HDAC9: variants seen among roughly 807,000 people sequenced by gnomAD.
HDAC9 encodes the protein histone deacetylase 9, also known as MEF-2 interacting transcription repressor (MITR) protein.
HDAC9 carries 41 observed loss-of-function variants against 139.4 expected under a neutral mutation model. The observed-to-expected ratio is 0.29, with a 90% confidence interval of 0.23 to 0.38. The LOEUF is 0.38. Among genes scored for constraint, HDAC9 ranks in the 10% least tolerant of loss-of-function variants. HDAC9 has a pLI of 1.00. For synonymous variants in HDAC9, 517 were observed against 476.2 expected (o/e 1.09, Z -1.12); for missense variants, 1,147 against 1,297.0 (o/e 0.88, Z 1.78).
chr7:18,345,983 G>T (rs952780059), intron 1 of HDAC9, among the ~76,000 whole-genome samples: 3 of 152,010 alleles, frequency 2.0e-5, no homozygotes, highest in Non-Finnish European at 4.4e-5. Flanking sequence ...TTAAAGGTAG[G>T]TATTTTAAGT....
intron 3 of HDAC9, among the ~76,000 whole-genome samples, chr7:18,589,861 A>G (rs952356292): frequency 2.6e-5 from 4 of 152,126 alleles, no homozygotes; most frequent in African/African-American, 9.7e-5. Context: ...ACTTCAGGTA[A>G]ACTTCCCCCA....
chr7:18,730,008 A>G (rs926247909), intron 13 of HDAC9, among the ~76,000 whole-genome samples: 2 of 152,228 alleles, frequency 1.3e-5, no homozygotes, highest in African/African-American at 4.8e-5. Flanking sequence ...AAGTTACAAT[A>G]ACTAAGAGGA....
chr7:18,732,878 C>CGTGTATAT (rs370714179), intron 13 of HDAC9, among the ~76,000 whole-genome samples: 3 of 68,350 alleles, frequency 4.4e-5, no homozygotes, highest in Admixed American at 1.3e-4. Flanking sequence ...TACACACACA[C>CGTGTATAT]GTGTGCGTAT....
intron 3 of HDAC9, among the ~76,000 whole-genome samples, chr7:18,589,701 A>G (rs1224116763): frequency 2.0e-5 from 3 of 152,146 alleles, no homozygotes; most frequent in South Asian, 4.1e-4. Flanking sequence ...AAAAGCTTTT[A>G]TGTGCTGAAT....
At chr7:18,885,024 TA>T (rs1194110817) in intron 22 of HDAC9, among the ~76,000 whole-genome samples, 1 of 152,254 alleles carries the variant, frequency 6.6e-6, no homozygotes, top group Non-Finnish European at 1.5e-5. Flanking sequence ...AGTCATGCAG[TA>T]GATATGTAAA....
At chr7:18,501,359 A>T (rs991772001) in intron 2 of HDAC9, among the ~76,000 whole-genome samples, 1 of 152,060 alleles carries the variant, frequency 6.6e-6, no homozygotes, top group South Asian at 2.1e-4. Flanking sequence ...CTGAGCAGGG[A>T]CAGACTCCCT....
intron 2 of HDAC9, among the ~76,000 whole-genome samples, chr7:18,520,705 A>G (rs1441982297): frequency 2.0e-5 from 3 of 152,196 alleles, no homozygotes; most frequent in Non-Finnish European, 4.4e-5. Context: ...ACTACCGTAA[A>G]TGTCTTGGAA....
At chr7:18,917,857 G>C (rs1466857279) in intron 22 of HDAC9, among the ~76,000 whole-genome samples, 1 of 151,918 alleles carries the variant, frequency 6.6e-6, no homozygotes, top group East Asian at 1.9e-4. Flanking sequence ...ACATGCAATG[G>C]AAAGCCTATT....
intron 23 of HDAC9, among the ~76,000 whole-genome samples, chr7:18,946,582 A>T (rs915790928): frequency 6.6e-6 from 1 of 152,164 alleles, no homozygotes; most frequent in Non-Finnish European, 1.5e-5. Flanking sequence ...GAGGTGTTTC[A>T]TACTGATAAA....
At chr7:18,599,992 T>G (rs1833528694) in intron 6 of HDAC9, among the ~76,000 whole-genome samples, 1 of 152,128 alleles carries the variant, frequency 6.6e-6, no homozygotes, top group Non-Finnish European at 1.5e-5. Flanking sequence ...TTTTTAATTT[T>G]AGCCATTCTA....
intron 22 of HDAC9, among the ~76,000 whole-genome samples, chr7:18,914,606 A>G (rs140548378): frequency 8.5e-4 from 129 of 152,160 alleles, no homozygotes; most frequent in Non-Finnish European, 4.1e-4. Flanking sequence ...CAGGCTCACA[A>G]ATTTCTGAAG....
intron 13 of HDAC9, among the ~76,000 whole-genome samples, chr7:18,739,388 T>A (rs890311660): frequency 3.3e-5 from 5 of 152,214 alleles, no homozygotes; most frequent in African/African-American, 1.2e-4. Flanking sequence ...TTTCTCCCCA[T>A]CTTTGTGGTT....
At chr7:18,980,761 T>TC (rs1554418584) in intron 25 of HDAC9, among the ~76,000 whole-genome samples, 8 of 100,218 alleles carry the variant, frequency 8.0e-5, no homozygotes, top group African/African-American at 3.2e-4. Flanking sequence ...TCTTCTTCCT[T>TC]CTTCTTCTTC....
At chr7:18,532,933 C>G (rs1465580150) in intron 2 of HDAC9, among the ~76,000 whole-genome samples, 1 of 152,004 alleles carries the variant, frequency 6.6e-6, no homozygotes, top group Admixed American at 6.6e-5. Flanking sequence ...TGAGGAGGTT[C>G]CCCTGTACCC....
intron 2 of HDAC9, among the ~76,000 whole-genome samples, chr7:18,582,881 T>C (rs961102835): frequency 1.3e-5 from 2 of 152,204 alleles, no homozygotes; most frequent in African/African-American, 4.8e-5. Context: ...CCATAAATAA[T>C]CGTCTCTTTG....
chr7:18,481,829 G>A (rs1795574954), intron 1 of HDAC9, among the ~76,000 whole-genome samples: 1 of 152,148 alleles, frequency 6.6e-6, no homozygotes, highest in Non-Finnish European at 1.5e-5. Flanking sequence ...CTTGCCTTGT[G>A]TAGTCTGAAT....
In HDAC9 at chr7:18,668,185, A is replaced by G. The variant is rs1376272754; in HGVS notation, c.1731+1709A>G. On this transcript the variant is annotated intron_variant, in intron 12 of 25. Coordinates refer to ENST00000686413, the MANE Select transcript of HDAC9 (RefSeq NM_178425.4). ...AAGTCTCCATTCAAATTAAATTAAC[A>G]TAACTAGAAGTTAGAAAGTTTAAAA... 8 of 853,792 alleles carry G rather than the reference A, an allele frequency of 9.4e-6. No individual in the cohort carries two copies. The African/African-American group carries it at 1.3e-4, about 14-fold the overall frequency. The allele number at this position is 853,792 out of a possible 1,614,324, so 52.9% of individuals were successfully genotyped here. A position where few individuals can be genotyped will look rare whatever the true frequency, so the allele number is the denominator to read the frequency against.
chr7:18,733,681 AT>A (rs1247929979), intron 13 of HDAC9, among the ~76,000 whole-genome samples: 3 of 151,930 alleles, frequency 2.0e-5, no homozygotes, highest in Non-Finnish European at 4.4e-5. Context: ...TCTCATATGT[AT>A]ACATACATAC....
chr7:18,494,012 A>G (rs1256082694), upstream of HDAC9, among the ~76,000 whole-genome samples: 1 of 152,070 alleles, frequency 6.6e-6, no homozygotes, highest in Admixed American at 6.6e-5. Flanking sequence ...AAGGAAAATT[A>G]TTAGGTCCAC....
Sources: allele counts gnomAD v4.1 joint callset (sites outside exome capture counted in the v4.1 genomes callset), GRCh38; gene constraint gnomAD v4.1.1; transcripts MANE v1.5; gene names NCBI Gene and HGNC (gene_info 2026-07-23, HGNC 2026-07-21).